ZRANB3: variants seen among roughly 807,000 people sequenced by gnomAD.
ZRANB3 encodes DNA annealing helicase and endonuclease ZRANB3.
A neutral mutation model predicts 133.8 loss-of-function variants in ZRANB3; 125 were observed. The observed-to-expected ratio is 0.93, with a 90% CI of 0.81 to 1.08. ZRANB3 has a LOEUF of 1.08. Ranked by LOEUF, ZRANB3 falls within the 50% of genes least tolerant of loss-of-function variation. The pLI, the probability that ZRANB3 is intolerant of heterozygous loss-of-function variation, is 0.00. For synonymous variants in ZRANB3, 387 were observed against 432.7 expected, an observed-to-expected ratio of 0.89 and a Z score of 1.31; for missense variants, 1,229 against 1,275.5, an observed-to-expected ratio of 0.96 and a Z score of 0.56.
At chr2:135,271,283 G>C (rs1680504232) in intron 10 of ZRANB3, 1 of 470,906 alleles carries the variant, frequency 2.1e-6, no homozygotes, top group Non-Finnish European at 4.4e-6. Flanking sequence ...GTCTTAATCT[G>C]AATTTCTGTT....
chr2:135,321,238 C>T (rs575704347), intron 6 of ZRANB3, among the ~76,000 whole-genome samples: 1 of 152,146 alleles, frequency 6.6e-6, no homozygotes, highest in South Asian at 2.1e-4. Context: ...TTTTGCATTC[C>T]CAGCAGCAAT....
At chr2:135,511,153 C>T (rs978736129) in intron 1 of ZRANB3, 14 of 776,078 alleles carry the variant, frequency 1.8e-5, no homozygotes, top group Non-Finnish European at 3.1e-5. Flanking sequence ...ACTGGAACAG[C>T]TCCACTGGGT....
At chr2:135,494,103 AAGG>A (rs1692542042) in intron 2 of ZRANB3, among the ~76,000 whole-genome samples, 1 of 142,242 alleles carries the variant, frequency 7.0e-6, no homozygotes, top group Non-Finnish European at 1.5e-5. Flanking sequence ...TAGAAATAGA[AAGG>A]AGGGAGGGAG....
At chr2:135,490,193 A>C (rs1226467883) in intron 2 of ZRANB3, among the ~76,000 whole-genome samples, 1 of 152,216 alleles carries the variant, frequency 6.6e-6, no homozygotes, top group African/African-American at 2.4e-5. Context: ...TACCCCACAG[A>C]TGTGTAATTA....
intron 1 of ZRANB3, 111 bp from the exon 2 acceptor site, chr2:135,504,607 A>G: frequency 1.0e-6 from 1 of 953,384 alleles, no homozygotes; most frequent in Admixed American, 3.2e-5. Context: ...TAGCTTTGAC[A>G]TACCATTTAT....
Position 135,200,380 on chromosome 2 carries a change from G to A in ZRANB3, c.3202C>T (p.His1068Tyr). Residue 1068 changes from histidine (H) to tyrosine (Y), a missense_variant, in exon 21 of 21, where the codon CAT (histidine) becomes TAT (tyrosine). His to Tyr is a moderately conservative substitution (Grantham distance 83). Transcript: ENST00000264159. ...QVRRQSLASK[H>Y]GSDITRFLVK... Reference sequence around the variant, plus strand: ...AAAAATCGTGTGATGTCTGATCCATGCTTTGATGCTAGAGATTGTCTTCTC... The same window carrying A: ...AAAAATCGTGTGATGTCTGATCCATACTTTGATGCTAGAGATTGTCTTCTC... 2 of 1,606,706 alleles carry A rather than the reference G, an allele frequency of 1.2e-6. No individual in the cohort carries two copies. Among genetic ancestry groups the A allele is most frequent in the Non-Finnish European group, 1.7e-6 (2 of 1,176,304 alleles).
chr2:135,209,476 A>T (rs1694011014), intron 17 of ZRANB3, among the ~76,000 whole-genome samples: 2 of 152,230 alleles, frequency 1.3e-5, no homozygotes, highest in African/African-American at 4.8e-5. Context: ...GTTCAATCAC[A>T]TCTTCTGTAA....
rs753361928 is a variant in ZRANB3 at position 135,353,451 on chromosome 2, T to C, written c.358A>G (p.Arg120Gly). 2 of 1,574,008 alleles carry C rather than the reference T, an allele frequency of 1.3e-6. No individual in the cohort carries two copies. The highest frequency in any genetic ancestry group is 1.2e-5 in the South Asian group (1 of 83,538). The change falls in exon 4 of 21, where the codon AGG becomes GGG. Residue 120 changes from arginine to glycine, a missense_variant and splice_region_variant. Coordinates refer to ENST00000264159, the MANE Select transcript of ZRANB3 (RefSeq NM_032143.4). ...TAAATATTAAACAGTTGTTCTTACC[T>C]AACATCAGTTTTATTCTGAATAACA... ...INVIQNKTDVRRMSTSKVTVL... is the reference protein window; with the variant it reads ...INVIQNKTDVGRMSTSKVTVL...
intron 2 of ZRANB3, among the ~76,000 whole-genome samples, chr2:135,455,979 G>C (rs1690501531): frequency 6.6e-6 from 1 of 152,034 alleles, no homozygotes; most frequent in South Asian, 2.1e-4. Flanking sequence ...ATCTCTAAAG[G>C]ATTAAATTAT....
chr2:135,380,618 G>GA (rs1686646325), intron 3 of ZRANB3, among the ~76,000 whole-genome samples: 1 of 152,070 alleles, frequency 6.6e-6, no homozygotes, highest in South Asian at 2.1e-4. Flanking sequence ...AAACCAATGA[G>GA]AAAAAAGACA....
chr2:135,203,512 C>A (rs754721496), intron 19 of ZRANB3, among the ~76,000 whole-genome samples: 2 of 145,574 alleles, frequency 1.4e-5, no homozygotes, highest in South Asian at 4.5e-4. Flanking sequence ...CCAGCTACTG[C>A]GGAGGCTGAG....
intron 2 of ZRANB3, among the ~76,000 whole-genome samples, chr2:135,470,805 T>TC (rs1344713472): frequency 1.5e-5 from 2 of 131,768 alleles, no homozygotes; most frequent in East Asian, 4.0e-4. Context: ...AATTTCTTTC[T>TC]TTTTTTTTTT....
rs112838877 is a variant in ZRANB3 at position 135,245,056 on chromosome 2, G to A, written c.1540-14129C>T. On this transcript the variant is annotated intron_variant, in intron 12 of 20. Coordinates refer to ENST00000264159, the MANE Select transcript of ZRANB3 (RefSeq NM_032143.4). ...TTTTAATAATATTGTGAACCAAAAG[G>A]TACTCTTAAGAATACAATATTAGCA... is the stretch of plus-strand genomic sequence containing the variant. 3.0e-3 allele frequency among the ~76,000 whole-genome samples: 452 copies of A among 152,266 alleles called. 3 individuals are homozygous for A. Among genetic ancestry groups the A allele is most frequent in the African/African-American group, 0.01 (421 of 41,548 alleles).
intron 1 of ZRANB3, among the ~76,000 whole-genome samples, chr2:135,523,015 A>G (rs1694011994): frequency 1.3e-5 from 2 of 152,202 alleles, no homozygotes; most frequent in Non-Finnish European, 2.9e-5. Context: ...ATAGACTCCT[A>G]TATCTAATTA....
intron 2 of ZRANB3, among the ~76,000 whole-genome samples, chr2:135,499,473 C>CAT (rs1406448926): frequency 6.6e-6 from 1 of 151,966 alleles, no homozygotes; most frequent in African/African-American, 2.4e-5. Context: ...CCAGAGTATA[C>CAT]ATATGACAAA....
intron 1 of ZRANB3, among the ~76,000 whole-genome samples, chr2:135,507,399 T>C (rs1253133677): frequency 6.6e-6 from 1 of 152,194 alleles, no homozygotes; most frequent in African/African-American, 2.4e-5. Context: ...CAGCCTGCCT[T>C]AGAGCTACTA....
intron 4 of ZRANB3, 122 bp from the exon 5 acceptor site, chr2:135,350,337 G>A: frequency 1.6e-6 from 1 of 636,228 alleles, no homozygotes; most frequent in South Asian, 2.3e-5. Flanking sequence ...AATAAAAGGA[G>A]ATGGTACTAC....
At chr2:135,244,146 A>C (rs1288459241) in intron 12 of ZRANB3, among the ~76,000 whole-genome samples, 1 of 151,994 alleles carries the variant, frequency 6.6e-6, no homozygotes, top group Non-Finnish European at 1.5e-5. Context: ...TTGTTAAAAC[A>C]AAAGGAATCT....
At chr2:135,365,136 G>A (rs903276977) in intron 3 of ZRANB3, among the ~76,000 whole-genome samples, 5 of 151,258 alleles carry the variant, frequency 3.3e-5, no homozygotes, top group Non-Finnish European at 7.4e-5. Flanking sequence ...GTGTGGTGGC[G>A]GGCAACTATA....
Sources: gnomAD v4.1 joint callset for allele counts (sites outside exome capture counted in the v4.1 genomes callset) on GRCh38, gnomAD v4.1.1 for gene constraint, MANE v1.5 for transcripts, NCBI Gene and HGNC (gene_info 2026-07-23, HGNC 2026-07-21) for gene names.